The following CRK variants were observed in gnomAD, a reference collection of about 807,000 sequenced individuals.
CRK encodes CRK proto-oncogene, adaptor protein, also known as adapter molecule crk.
A neutral mutation model predicts 29.8 loss-of-function variants in CRK; 4 were observed. The ratio of observed to expected loss-of-function variants is 0.13; its 90% CI spans 0.07 to 0.31. The LOEUF is 0.31. CRK is among the 10% of genes least tolerant of loss of function. The probability of loss-of-function intolerance (pLI) is 1.00; values close to 1 mark genes in which losing one functional copy is unlikely to be tolerated. For missense variants in CRK, 274 were observed against 396.5 expected (o/e 0.69, Z 2.62); for synonymous variants, 153 against 164.9 (o/e 0.93, Z 0.55).
chr17:1,428,814 G>A lies in CRK; in HGVS notation c.778-5164C>T, dbSNP rs900259794. Among the ~76,000 whole-genome samples, 20 of 151,634 alleles carry A rather than the reference G, an allele frequency of 1.3e-4. No individual in the cohort carries two copies. The South Asian group carries it at 2.1e-3, about 16-fold the overall frequency. The stretch of plus-strand genomic sequence containing the variant: ...TGGGATTACAGGCGTGAGCCACCAC[G>A]CCCGGCTCAGAACTATCTTTAATGT... On this transcript the variant is annotated intron_variant, in intron 2 of 2. Coordinates refer to ENST00000300574, the MANE Select transcript of CRK (RefSeq NM_016823.4).
At chr17:1,452,647 G>A (rs751787187) in intron 1 of CRK, among the ~76,000 whole-genome samples, 23 of 152,076 alleles carry the variant, frequency 1.5e-4, no homozygotes, top group Admixed American at 1.5e-3. Flanking sequence ...AAAATTAGCT[G>A]AGCATGGTGG....
At position 1,436,626 on chromosome 17, in the gene CRK, A is replaced by G. The variant is rs201686310; in HGVS notation, c.771T>C (p.Ala257=). 1.9e-6 allele frequency: 3 copies of G among 1,600,948 alleles called. No homozygotes were observed. The East Asian group carries it at 6.7e-5, about 36-fold the overall frequency. ...VPNAYDKTAL[A]LEVGELVKVT... ...CATTGTGCACGTTATGTACCTCCAA[A>G]GCCAAGGCTGTCTTGTCGTAGGCAT... The change falls in exon 2 of 3, where the codon GCT becomes GCC. Residue 257 remains alanine, a synonymous_variant. Coordinates refer to ENST00000300574, the MANE Select transcript of CRK (RefSeq NM_016823.4).
At chr17:1,433,938 G>A (rs954755146) in intron 2 of CRK, among the ~76,000 whole-genome samples, 1 of 150,196 alleles carries the variant, frequency 6.7e-6, no homozygotes, top group Non-Finnish European at 1.5e-5. Context: ...GGACTCAAGC[G>A]ATCCTCCCAC....
intron 1 of CRK, among the ~76,000 whole-genome samples, chr17:1,449,589 C>A (rs1291290236): frequency 6.6e-6 from 1 of 152,110 alleles, no homozygotes; most frequent in African/African-American, 2.4e-5. Context: ...AAATAAGGCC[C>A]AACCCAGGAT....
At chr17:1,454,951 T>C (rs180922029) in intron 1 of CRK, among the ~76,000 whole-genome samples, 77 of 152,290 alleles carry the variant, frequency 5.1e-4, no homozygotes, top group African/African-American at 1.8e-3. Flanking sequence ...GTAGAGTCTG[T>C]TCCCAATATC....
chr17:1,439,878 C>T (rs1265166532), intron 1 of CRK, among the ~76,000 whole-genome samples: 2 of 151,876 alleles, frequency 1.3e-5, no homozygotes, highest in African/African-American at 4.8e-5. Context: ...TTTTGTTGGG[C>T]GTGGTGCCTC....
chr17:1,455,890 G>C lies in CRK; in HGVS notation c.228C>G (p.Ala76=), dbSNP rs1426783195. 8 of 1,587,840 alleles carry C rather than the reference G, an allele frequency of 5.0e-6. No individual in the cohort carries two copies. Among genetic ancestry groups the C allele is most frequent in the Non-Finnish European group, 6.8e-6 (8 of 1,169,318 alleles). Residue 76 remains alanine, a synonymous_variant, in exon 1 of 3, where the codon GCC becomes GCG. Coordinates refer to ENST00000300574, the MANE Select transcript of CRK (RefSeq NM_016823.4). ...TCAGTCCCTCACCGGGCGGAGGCTG[G>C]GCGGGCGACGGTGGCACCGGCGGGC... ...GPRPPVPPSP[A]QPPPGVSPSR...
At chr17:1,429,456 T>C (rs1019440806) in intron 2 of CRK, among the ~76,000 whole-genome samples, 2 of 151,964 alleles carry the variant, frequency 1.3e-5, no homozygotes, top group Non-Finnish European at 2.9e-5. Context: ...GTATTTTTAG[T>C]GGAGACCAGG....
intron 2 of CRK, among the ~76,000 whole-genome samples, chr17:1,425,798 C>G (rs1426473249): frequency 6.6e-6 from 1 of 152,102 alleles, no homozygotes; most frequent in African/African-American, 2.4e-5. Context: ...CTAAAAATTA[C>G]AGAGGCCTGA....
At chr17:1,427,579 C>T (rs981329747) in intron 2 of CRK, among the ~76,000 whole-genome samples, 2 of 151,514 alleles carry the variant, frequency 1.3e-5, no homozygotes, top group Admixed American at 6.6e-5. Flanking sequence ...GGTAACAGAG[C>T]GAGACTCAGT....
chr17:1,454,094 A>G (rs2150916080), intron 1 of CRK, among the ~76,000 whole-genome samples: 1 of 151,662 alleles, frequency 6.6e-6, no homozygotes, highest in East Asian at 1.9e-4. Flanking sequence ...AATCCCAGCT[A>G]CTCAGGAGGC....
chr17:1,451,688 C>T (rs2074019566), intron 1 of CRK, among the ~76,000 whole-genome samples: 1 of 151,924 alleles, frequency 6.6e-6, no homozygotes, highest in African/African-American at 2.4e-5. Context: ...TCAACAGCCA[C>T]TGCACTCCAG....
At chr17:1,448,211 T>G (rs916254724) in intron 1 of CRK, among the ~76,000 whole-genome samples, 1 of 152,052 alleles carries the variant, frequency 6.6e-6, no homozygotes, top group Non-Finnish European at 1.5e-5. Context: ...GGACGGTCCT[T>G]TGCAGGTTTG....
At chr17:1,445,683 G>A (rs941099479) in intron 1 of CRK, among the ~76,000 whole-genome samples, 4 of 152,126 alleles carry the variant, frequency 2.6e-5, no homozygotes, top group African/African-American at 9.7e-5. Flanking sequence ...CAGGCCTATG[G>A]AGAAACTGTT....
chr17:1,451,995 A>G (rs538099970), intron 1 of CRK, among the ~76,000 whole-genome samples: 1 of 152,270 alleles, frequency 6.6e-6, no homozygotes, highest in Non-Finnish European at 1.5e-5. Context: ...TCCAAAAACA[A>G]CAAAACAAAA....
intron 1 of CRK, among the ~76,000 whole-genome samples, chr17:1,440,558 C>G (rs907584005): frequency 6.6e-6 from 1 of 151,722 alleles, no homozygotes; most frequent in East Asian, 1.9e-4. Flanking sequence ...GGCAGGAGGA[C>G]TGATTGAGGC....
rs1187322468 is a variant in CRK, at chr17:1,423,125, T to A, written c.*388A>T. 1 of 429,366 alleles carries A rather than the reference T, an allele frequency of 2.3e-6. No homozygotes were observed. The highest frequency in any genetic ancestry group is 2.0e-5 in the African/African-American group (1 of 49,054). The allele number at this position is 429,366 out of a possible 1,614,324, so 26.6% of individuals were successfully genotyped here. A position where few individuals can be genotyped will look rare whatever the true frequency, so the allele number is the denominator to read the frequency against. ...GGAACAGTCTGTCGCCATTTGATAGTATGGTTCCAGAATGAAAACAAAACC... is the reference window on the plus strand; with the variant it reads ...GGAACAGTCTGTCGCCATTTGATAGAATGGTTCCAGAATGAAAACAAAACC... On this transcript the variant is annotated 3_prime_UTR_variant, in exon 3 of 3. Coordinates refer to ENST00000300574, the MANE Select transcript of CRK (RefSeq NM_016823.4).
At chr17:1,428,849 CTCTCTT>C (rs1379624633) in intron 2 of CRK, among the ~76,000 whole-genome samples, 1 of 148,624 alleles carries the variant, frequency 6.7e-6, no homozygotes, top group Non-Finnish European at 1.5e-5. Context: ...TACAGATTCT[CTCTCTT>C]TTTTTTTTAG....
In CRK at chr17:1,429,834, G is replaced by C. The variant is rs534630410; in HGVS notation, c.778-6184C>G. 2.1e-3 allele frequency among the ~76,000 whole-genome samples: 320 copies of C among 151,926 alleles called. 2 individuals are homozygous for C. Among genetic ancestry groups the C allele is most frequent in the African/African-American group, 7.5e-3 (309 of 41,462 alleles). Reference sequence around the variant, plus strand: ...TGTAGTCCCAGCTACTTGGGAGGCTGAGGTAGGGGGATCACAAGCCCAGGA... The same window carrying C: ...TGTAGTCCCAGCTACTTGGGAGGCTCAGGTAGGGGGATCACAAGCCCAGGA... On this transcript the variant is annotated intron_variant, in intron 2 of 2. Transcript: ENST00000300574.
Sources: allele counts gnomAD v4.1 joint callset (sites outside exome capture counted in the v4.1 genomes callset), GRCh38; gene constraint gnomAD v4.1.1; transcripts MANE v1.5; gene names NCBI Gene and HGNC (gene_info 2026-07-23, HGNC 2026-07-21).